TMEM256: variants seen among roughly 807,000 people sequenced by gnomAD.
The protein encoded by TMEM256 is UPF0451 protein C17orf61.
TMEM256 carries 14 observed loss-of-function variants against 14.8 expected under a neutral mutation model. The ratio of observed to expected loss-of-function variants is 0.95; its 90% CI spans 0.63 to 1.48. TMEM256 has a LOEUF of 1.48. TMEM256 is among the 40% of genes most tolerant of loss of function. TMEM256 has a pLI of 0.00. For synonymous variants in TMEM256, 68 were observed against 60.7 expected (o/e 1.12, Z -0.56); for missense variants, 146 against 137.9 (o/e 1.06, Z -0.30).
At chr17:7,403,921 C>T (rs1906466165) in intron 1 of TMEM256, 79 bp downstream of exon 1, 9 of 1,434,662 alleles carry the variant, frequency 6.3e-6, no homozygotes, top group Non-Finnish European at 8.4e-6. Context: ...GGCCGGGCAC[C>T]TCCCATAGGT....
chr17:7,404,023 C>A lies in TMEM256; in HGVS notation c.62G>T (p.Gly21Val). ...ACCGTGCGCCCCGTAGGAAGCGAAGCCTAAGGCCGCAGCTCCGGACAAGGC... is the reference window on the plus strand; with the variant it reads ...ACCGTGCGCCCCGTAGGAAGCGAAGACTAAGGCCGCAGCTCCGGACAAGGC... ...LGALSGAAAL[G>V]FASYGAHGAQ... The change falls in exon 1 of 4, where the codon GGC becomes GTC. Residue 21 changes from glycine (G) to valine (V), a missense_variant. Coordinates refer to ENST00000302422, the MANE Select transcript of TMEM256 (RefSeq NM_152766.5). The A allele has an allele frequency of 1.2e-6, 2 of 1,601,678 alleles. No homozygotes were observed. Among genetic ancestry groups the A allele is most frequent in the Non-Finnish European group, 1.7e-6 (2 of 1,174,136 alleles).
rs1906416804 is a variant in TMEM256, at chr17:7,403,353, C to A, written c.155G>T (p.Ser52Ile). Residue 52 changes from serine (S) to isoleucine (I), a missense_variant, in exon 3 of 4, where the codon AGC becomes ATC. By Grantham distance (142) the Ser-to-Ile change is moderately radical. Transcript: ENST00000302422. Reference protein sequence around the residue: ...DKANKHHFLHSLALLGVPHCR... With the variant: ...DKANKHHFLHILALLGVPHCR... The stretch of plus-strand genomic sequence containing the variant: ...ATGGGGCACCCCTAACAGGGCCAGG[C>A]TGTGTAAGAAGTGGTGTTTGTTGGC... 1 of 1,614,058 alleles carries A rather than the reference C, an allele frequency of 6.2e-7. No individual in the cohort carries two copies. The highest frequency in any genetic ancestry group is 8.5e-7 in the Non-Finnish European group (1 of 1,180,042).
chr17:7,403,044 C>A lies in TMEM256; in HGVS notation c.*22G>T. The A allele has an allele frequency of 6.3e-7, 1 of 1,574,958 alleles. No individual in the cohort carries two copies. The highest frequency in any genetic ancestry group is 8.6e-7 in the Non-Finnish European group (1 of 1,168,030). On this transcript the variant is annotated 3_prime_UTR_variant, in exon 4 of 4. Coordinates refer to ENST00000302422, the MANE Select transcript of TMEM256 (RefSeq NM_152766.5). ...TAAAAAAAAAACTGCCCAGAAAACC[C>A]AGTAATTAAGCAAAAGGGAGCTCAA... is the stretch of plus-strand genomic sequence containing the variant.
intron 2 of TMEM256, 35 bp downstream of exon 2, chr17:7,403,623 C>CCA (rs1167010788): frequency 1.2e-6 from 2 of 1,614,020 alleles, no homozygotes; most frequent in South Asian, 2.2e-5. Context: ...CTTCGTAGAC[C>CCA]CACGAGTCAG....
At position 7,403,313 on chromosome 17, in the gene TMEM256, G is replaced by T; in HGVS notation, c.195C>A (p.Leu65=). The change falls in exon 3 of 4, where the codon CTC becomes CTA. Residue 65 remains leucine (L), a synonymous_variant. Coordinates refer to ENST00000302422, the MANE Select transcript of TMEM256 (RefSeq NM_152766.5). ...LLGVPHCRKP[L]WAGLLLASGT... ...GTTAGGCGCAGGGAAAGATTACCCA[G>T]AGTGGCTTTCTGCAATGGGGCACCC... 2 of 1,614,240 alleles carry T rather than the reference G, an allele frequency of 1.2e-6. No homozygotes were observed. Among genetic ancestry groups the T allele is most frequent in the Non-Finnish European group, 8.5e-7 (1 of 1,180,040 alleles).
chr17:7,403,570 CCCTCTCCCCG>C, intron 2 of TMEM256, 78 bp downstream of exon 2: 2 of 1,536,218 alleles, frequency 1.3e-6, no homozygotes, highest in Non-Finnish European at 1.8e-6. Context: ...GCTCGCCCCA[CCCTCTCCCCG>C]CCCACTTCCC....
intron 1 of TMEM256, 22 bp downstream of exon 1, chr17:7,403,978 T>A: frequency 6.4e-7 from 1 of 1,559,476 alleles, no homozygotes; most frequent in Non-Finnish European, 8.7e-7. Flanking sequence ...TACAGTCCCA[T>A]CTTCGTCCCC....
chr17:7,403,961 C>A (rs746706859), intron 1 of TMEM256, 39 bp downstream of exon 1: 18 of 1,531,472 alleles, frequency 1.2e-5, no homozygotes, highest in Non-Finnish European at 1.6e-5. Flanking sequence ...CCAGAGGACG[C>A]CCCAAGTACA....
intron 1 of TMEM256, 141 bp downstream of exon 1, chr17:7,403,859 G>T: frequency 7.8e-7 from 1 of 1,274,922 alleles, no homozygotes; most frequent in Non-Finnish European, 1.1e-6. Flanking sequence ...ATTGGACCCA[G>T]CTGGGGGACT....
exon 1 of TMEM256, chr17:7,404,093 AACAGGACGCACCGG>A: frequency 6.4e-7 from 1 of 1,566,590 alleles, no homozygotes; most frequent in Non-Finnish European, 8.7e-7. Context: ...ATAGCTGTAG[AACAGGACGCACCGG>A]ACCAACGCCG....
Position 7,403,336 on chromosome 17 carries a change from C to T in TMEM256, c.172G>A (p.Val58Met), listed in dbSNP as rs201225689. 6.2e-7 allele frequency: 1 copy of T among 1,614,178 alleles called. No homozygotes were observed. The highest frequency in any genetic ancestry group is 2.2e-5 in the East Asian group (1 of 44,890). ...HFLHSLALLG[V>M]PHCRKPLWAG... is the part of the protein sequence containing the mutation. ...CAGAGTGGCTTTCTGCAATGGGGCA[C>T]CCCTAACAGGGCCAGGCTGTGTAAG... Residue 58 changes from valine (V) to methionine (M), a missense_variant, in exon 3 of 4, where the codon GTG becomes ATG. Coordinates refer to ENST00000302422, the MANE Select transcript of TMEM256 (RefSeq NM_152766.5).
chr17:7,403,836 G>C lies in TMEM256; in HGVS notation c.86-147C>G, dbSNP rs1597702674. 5 of 1,233,678 alleles carry C rather than the reference G, an allele frequency of 4.1e-6. No homozygotes were observed. In the East Asian group the frequency reaches 1.3e-4, roughly 32 times the overall value. The allele number at this position is 1,233,678 out of a possible 1,614,324, so 76.4% of individuals were successfully genotyped here. ...CGATTGGTGGGAACACGCTCGGGCA[G>C]TACTGGGAACCAATTGGACCCAGCT... On this transcript the variant is annotated intron_variant, in intron 1 of 3. Transcript: ENST00000302422.
chr17:7,403,065 C>A lies in TMEM256; in HGVS notation c.*1G>T, dbSNP rs758652543. The A allele has an allele frequency of 1.9e-6, 3 of 1,598,030 alleles. No homozygotes were observed. Among genetic ancestry groups the A allele is most frequent in the East Asian group, 4.5e-5 (2 of 44,828 alleles). On this transcript the variant is annotated 3_prime_UTR_variant, in exon 4 of 4. Coordinates refer to ENST00000302422, the MANE Select transcript of TMEM256 (RefSeq NM_152766.5). ...AACCCAGTAATTAAGCAAAAGGGAG[C>A]TCAAAGAGCCAAGGCAAGCCAGCCC...
Position 7,403,267 on chromosome 17 carries a change from AGT to A in TMEM256, c.198+41_198+42del, listed in dbSNP as rs772485560. On this transcript the variant is annotated intron_variant, in intron 3 of 3. Transcript: ENST00000302422. ...TTAAGAACAGGGCAGGCTGAGAGGG[AGT>A]GTGTGGGGCTTGGTCAGGGTTAGGC... 2.5e-6 allele frequency: 4 copies of A among 1,613,912 alleles called. No individual in the cohort carries two copies. The African/African-American group carries it at 4.0e-5, about 16-fold the overall frequency.
chr17:7,403,789 C>G (rs903059425), intron 1 of TMEM256, 100 bp from the exon 2 acceptor site: 6 of 1,025,372 alleles, frequency 5.9e-6, no homozygotes, highest in African/African-American at 1.9e-5. Flanking sequence ...AGGGCACCCC[C>G]CCCCCCGCCC....
In TMEM256 at chr17:7,403,092, A is replaced by C; in HGVS notation, c.316T>G (p.Leu106Val). The change falls in exon 4 of 4, where the codon TTG becomes GTG. Residue 106 changes from leucine to valine, a missense_variant. Leu to Val is a conservative substitution (Grantham distance 32). Coordinates refer to ENST00000302422, the MANE Select transcript of TMEM256 (RefSeq NM_152766.5). ...CAAAGAGCCAAGGCAAGCCAGCCCAAGAGTAGCAGGGTCCCTCCCGCAGGG... is the reference window on the plus strand; with the variant it reads ...CAAAGAGCCAAGGCAAGCCAGCCCACGAGTAGCAGGGTCCCTCCCGCAGGG... ...LAPAGGTLLLLGWLALAL is the reference protein window; with the variant it reads ...LAPAGGTLLLVGWLALAL 1 of 1,613,656 alleles carries C rather than the reference A, an allele frequency of 6.2e-7. No homozygotes were observed. Among genetic ancestry groups the C allele is most frequent in the Non-Finnish European group, 8.5e-7 (1 of 1,179,858 alleles).
Position 7,403,665 on chromosome 17 carries a change from C to T in TMEM256, c.110G>A (p.Gly37Glu). Reference sequence around the variant, plus strand: ...CCAGCGCAGTTACTTCACCTCCTTCCCGTAGGCATCTGGGAATTGGGCGCC... The same window carrying T: ...CCAGCGCAGTTACTTCACCTCCTTCTCGTAGGCATCTGGGAATTGGGCGCC... ...AHGAQFPDAY[G>E]KELFDKANKH... Residue 37 changes from glycine (G) to glutamate (E), a missense_variant, in exon 2 of 4, where the codon GGG becomes GAG. Transcript: ENST00000302422. The T allele has an allele frequency of 6.2e-7, 1 of 1,614,028 alleles. No individual in the cohort carries two copies. The highest frequency in any genetic ancestry group is 1.3e-5 in the African/African-American group (1 of 74,988).
Position 7,404,031 on chromosome 17 carries a change from C to A in TMEM256, c.54G>T (p.Ala18=). The change falls in exon 1 of 4, where the codon GCG becomes GCT. Residue 18 remains alanine (A), a synonymous_variant. Transcript: ENST00000302422. ...CCCCGTAGGAAGCGAAGCCTAAGGC[C>A]GCAGCTCCGGACAAGGCGCCCAAGC... The part of the protein sequence containing the change: ...FRRLGALSGA[A]ALGFASYGAH... 6.2e-7 allele frequency: 1 copy of A among 1,602,188 alleles called. No individual in the cohort carries two copies. Among genetic ancestry groups the A allele is most frequent in the South Asian group, 1.1e-5 (1 of 89,000 alleles).
At chr17:7,403,747 T>G (rs1204577098) in intron 1 of TMEM256, 58 bp from the exon 2 acceptor site, 3 of 1,557,478 alleles carry the variant, frequency 1.9e-6, no homozygotes, top group Non-Finnish European at 2.6e-6. Context: ...CCGCCCCCAA[T>G]CCGGGGGGAC....
Sources: allele counts gnomAD v4.1 joint callset, GRCh38; gene constraint gnomAD v4.1.1; transcripts MANE v1.5; gene names NCBI Gene and HGNC (gene_info 2026-07-23, HGNC 2026-07-21).